The following CFAP299 variants were observed in gnomAD, a reference collection of about 807,000 sequenced individuals.
CFAP299 encodes cilia and flagella associated protein 299.
CFAP299 carries 21 observed loss-of-function variants against 27.0 expected under a neutral mutation model. The observed-to-expected ratio is 0.78, with a 90% CI of 0.55 to 1.12. CFAP299 has a LOEUF of 1.12. Among genes scored for constraint, CFAP299 ranks in the 50% most tolerant of loss-of-function variants. The pLI, the probability that CFAP299 is intolerant of heterozygous loss-of-function variation, is 0.00. For missense variants in CFAP299, 310 were observed against 276.6 expected (o/e 1.12, Z -0.86); for synonymous variants, 104 against 98.1 (o/e 1.06, Z -0.36).
chr4:80,435,304 T>C (rs1728013834), intron 2 of CFAP299, among the ~76,000 whole-genome samples: 1 of 152,098 alleles, frequency 6.6e-6, no homozygotes, highest in African/African-American at 2.4e-5. Flanking sequence ...GTATCTTCCA[T>C]CCAGAGAGGG....
At chr4:80,885,729 T>A (rs6814788) in intron 4 of CFAP299, among the ~76,000 whole-genome samples, 6,258 of 152,012 alleles carry the variant, frequency 0.041, 450 homozygotes, top group African/African-American at 0.14. Flanking sequence ...ACTCAGGGAG[T>A]ATGCTATGGG....
chr4:80,580,902 A>G (rs960992114), intron 2 of CFAP299, among the ~76,000 whole-genome samples: 2 of 152,024 alleles, frequency 1.3e-5, no homozygotes, highest in Admixed American at 1.3e-4. Context: ...CCTCTGCACA[A>G]TAACAAAAGA....
At chr4:80,519,495 C>A (rs1346351325) in intron 2 of CFAP299, among the ~76,000 whole-genome samples, 3 of 152,182 alleles carry the variant, frequency 2.0e-5, no homozygotes, top group Admixed American at 2.0e-4. Context: ...GCATGAGCTA[C>A]CATGCCTGGC....
intron 3 of CFAP299, among the ~76,000 whole-genome samples, chr4:80,781,593 A>G (rs1266844226): frequency 6.6e-6 from 1 of 152,028 alleles, no homozygotes; most frequent in Non-Finnish European, 1.5e-5. Context: ...ATTAAATGTC[A>G]TTGTTCATGC....
chr4:80,474,192 A>G (rs1730158622), intron 2 of CFAP299, among the ~76,000 whole-genome samples: 1 of 152,208 alleles, frequency 6.6e-6, no homozygotes, highest in African/African-American at 2.4e-5. Flanking sequence ...GATTTTATAT[A>G]TACTTTTAAC....
At chr4:80,393,800 A>G (rs1308569899) in intron 2 of CFAP299, among the ~76,000 whole-genome samples, 1 of 152,112 alleles carries the variant, frequency 6.6e-6, no homozygotes, top group East Asian at 1.9e-4. Context: ...GCATGACTGT[A>G]CCTGTTGACC....
chr4:80,894,512 G>A lies in CFAP299; in HGVS notation c.476+24377G>A, dbSNP rs140381896. On this transcript the variant is annotated intron_variant, in intron 4 of 5. Coordinates refer to ENST00000358105, the MANE Select transcript of CFAP299 (RefSeq NM_152770.3). ...TGAGGCACAGCTTAGCCCAGAGTAG[G>A]TAGATGCTAATATATAGTTATCGAA... Among the ~76,000 whole-genome samples the A allele has an allele frequency of 7.1e-3, 1,078 of 152,050 alleles. 13 individuals are homozygous for A. Among genetic ancestry groups the A allele is most frequent in the Non-Finnish European group, 0.011 (759 of 67,876 alleles).
At chr4:80,642,638 C>G (rs1220810370) in intron 3 of CFAP299, among the ~76,000 whole-genome samples, 1 of 152,028 alleles carries the variant, frequency 6.6e-6, no homozygotes. Flanking sequence ...GTGGCACGTG[C>G]CTATAGTCCC....
At chr4:80,684,815 CT>C (rs528498449) in intron 3 of CFAP299, among the ~76,000 whole-genome samples, 7 of 151,842 alleles carry the variant, frequency 4.6e-5, no homozygotes, top group African/African-American at 1.4e-4. Context: ...TAATGTACAT[CT>C]TTCTGTATAT....
chr4:80,853,664 A>C (rs1731656062), intron 3 of CFAP299, among the ~76,000 whole-genome samples: 1 of 152,194 alleles, frequency 6.6e-6, no homozygotes, highest in South Asian at 2.1e-4. Context: ...TCAGGTTGGA[A>C]AAATATGCAA....
chr4:80,812,392 G>C (rs1729202212), intron 3 of CFAP299, among the ~76,000 whole-genome samples: 1 of 152,060 alleles, frequency 6.6e-6, no homozygotes, highest in Non-Finnish European at 1.5e-5. Flanking sequence ...ACACATAAGA[G>C]AGTCCCCTCC....
chr4:80,827,262 A>G (rs1730036766), intron 3 of CFAP299, among the ~76,000 whole-genome samples: 1 of 151,828 alleles, frequency 6.6e-6, no homozygotes, highest in Non-Finnish European at 1.5e-5. Flanking sequence ...ACTGCAAGAA[A>G]ACTGTAGACC....
intron 3 of CFAP299, among the ~76,000 whole-genome samples, chr4:80,687,410 A>G (rs1053974569): frequency 2.6e-5 from 4 of 152,102 alleles, no homozygotes; most frequent in East Asian, 1.9e-4. Flanking sequence ...GAAAACTGAG[A>G]CCTATGGAAG....
At chr4:80,464,616 CT>C (rs1729618066) in intron 2 of CFAP299, among the ~76,000 whole-genome samples, 1 of 152,172 alleles carries the variant, frequency 6.6e-6, no homozygotes, top group South Asian at 2.1e-4. Context: ...TTTAAACACA[CT>C]CTTTCTTGCT....
At chr4:80,729,083 G>A (rs559915301) in intron 3 of CFAP299, among the ~76,000 whole-genome samples, 30 of 152,246 alleles carry the variant, frequency 2.0e-4, no homozygotes, top group Admixed American at 4.6e-4. Context: ...CCCTAAGTAT[G>A]TATCTGTCGC....
At chr4:80,328,389 G>A in the CFAP299 span, among the ~76,000 whole-genome samples, 1 of 151,934 alleles carries the variant, frequency 6.6e-6, no homozygotes, top group Non-Finnish European at 1.5e-5. Flanking sequence ...GAGAGAGGAT[G>A]ATATCCAGAG....
At chr4:80,467,661 A>T (rs948278455) in intron 2 of CFAP299, among the ~76,000 whole-genome samples, 3 of 152,218 alleles carry the variant, frequency 2.0e-5, no homozygotes, top group Admixed American at 1.3e-4. Flanking sequence ...TAAATAATGT[A>T]GATATTCATG....
At chr4:80,431,363 C>A (rs1199365072) in intron 2 of CFAP299, among the ~76,000 whole-genome samples, 2 of 91,108 alleles carry the variant, frequency 2.2e-5, no homozygotes, top group Admixed American at 1.3e-4. Flanking sequence ...TTCCCTCCAT[C>A]TCTCCCCCCT....
At chr4:80,832,916 A>T (rs1215360374) in intron 3 of CFAP299, among the ~76,000 whole-genome samples, 1 of 152,152 alleles carries the variant, frequency 6.6e-6, no homozygotes, top group African/African-American at 2.4e-5. Flanking sequence ...TCGAAATTTT[A>T]AAATTCCTAG....
Sources: allele counts gnomAD v4.1 joint callset (sites outside exome capture counted in the v4.1 genomes callset), GRCh38; gene constraint gnomAD v4.1.1; transcripts MANE v1.5; gene names NCBI Gene and HGNC (gene_info 2026-07-23, HGNC 2026-07-21).